COP1: variants seen among roughly 807,000 people sequenced by gnomAD.
The protein encoded by COP1 is E3 ubiquitin-protein ligase COP1.
A neutral mutation model predicts 101.3 loss-of-function variants in COP1; 24 were observed. That is an observed-to-expected ratio of 0.24 (90% CI 0.17 to 0.33). COP1 has a LOEUF of 0.33. COP1 is among the 10% of genes least tolerant of loss of function. The probability of loss-of-function intolerance (pLI) is 1.00; values close to 1 mark genes in which losing one functional copy is unlikely to be tolerated. For synonymous variants in COP1, 347 were observed against 341.9 expected, an observed-to-expected ratio of 1.01 and a Z score of -0.17; for missense variants, 663 against 906.2, an observed-to-expected ratio of 0.73 and a Z score of 3.45.
At chr1:176,028,696 C>CATAT (rs369887649) in intron 14 of COP1, among the ~76,000 whole-genome samples, 2,978 of 47,824 alleles carry the variant, frequency 0.062, 253 homozygotes, top group African/African-American at 0.1. Flanking sequence ...ATATTTGTTT[C>CATAT]ATATATATAT....
At chr1:176,066,136 A>C (rs2149324238) in intron 11 of COP1, among the ~76,000 whole-genome samples, 1 of 152,168 alleles carries the variant, frequency 6.6e-6, no homozygotes, top group South Asian at 2.1e-4. Flanking sequence ...ATATGTGTTG[A>C]CCCTAGAAGC....
At chr1:176,134,884 C>A (rs1357337772) in intron 8 of COP1, 126 bp downstream of exon 8, 2 of 615,472 alleles carry the variant, frequency 3.2e-6, no homozygotes, top group African/African-American at 3.7e-5. Context: ...AATATCATTT[C>A]TAGATCATGA....
intron 3 of COP1, among the ~76,000 whole-genome samples, chr1:176,171,452 A>G (rs1257560057): frequency 6.6e-6 from 1 of 152,214 alleles, no homozygotes. Context: ...GTATATATCC[A>G]GACTACTAAA....
intron 8 of COP1, chr1:176,133,822 CT>C (rs746249530): frequency 4.4e-6 from 2 of 449,916 alleles, no homozygotes; most frequent in South Asian, 1.6e-5. Flanking sequence ...GATGTGACAA[CT>C]TTTTCTTCCC....
intron 18 of COP1, among the ~76,000 whole-genome samples, chr1:175,983,219 T>C (rs1302135687): frequency 6.6e-6 from 1 of 152,184 alleles, no homozygotes; most frequent in African/African-American, 2.4e-5. Flanking sequence ...TGATATGGTT[T>C]GGGTGTGTCC....
chr1:176,160,187 G>A (rs926546207), intron 5 of COP1: 1 of 312,042 alleles, frequency 3.2e-6, no homozygotes, highest in Non-Finnish European at 6.3e-6. Flanking sequence ...GAGAAGGTAG[G>A]AAGAAGGTTA....
At chr1:176,113,643 A>T (rs1685668611) in intron 9 of COP1, among the ~76,000 whole-genome samples, 1 of 152,142 alleles carries the variant, frequency 6.6e-6, no homozygotes, top group East Asian at 1.9e-4. Context: ...CCAATTAAAA[A>T]AACACCTGTA....
intron 5 of COP1, among the ~76,000 whole-genome samples, chr1:176,154,701 G>A (rs564870563): frequency 6.6e-6 from 1 of 152,020 alleles, no homozygotes; most frequent in East Asian, 1.9e-4. Flanking sequence ...TTAATAGCTG[G>A]GTGACAAAAT....
At chr1:175,990,921 T>G (rs1391695155) in intron 15 of COP1, among the ~76,000 whole-genome samples, 3 of 150,956 alleles carry the variant, frequency 2.0e-5, no homozygotes, top group Admixed American at 6.6e-5. Flanking sequence ...TTTTTTTTTG[T>G]AAACCCATTC....
At chr1:176,063,047 GT>G (rs34464104) in intron 11 of COP1, among the ~76,000 whole-genome samples, 8 of 90,588 alleles carry the variant, frequency 8.8e-5, no homozygotes, top group African/African-American at 2.6e-4. Flanking sequence ...TTTTGAAAAT[GT>G]TTTTTTTTTT....
At chr1:176,138,552 T>G (rs1411857210) in intron 6 of COP1, among the ~76,000 whole-genome samples, 1 of 152,156 alleles carries the variant, frequency 6.6e-6, no homozygotes, top group African/African-American at 2.4e-5. Context: ...CCTGAAACTC[T>G]TTCAAATAAC....
intron 18 of COP1, among the ~76,000 whole-genome samples, chr1:175,966,203 TGTTA>T (rs1244794264): frequency 6.6e-5 from 10 of 152,212 alleles, no homozygotes; most frequent in East Asian, 3.9e-4. Context: ...TAAACTAAAA[TGTTA>T]GTTAGCCTTC....
chr1:176,170,649 G>A (rs80179612), intron 3 of COP1, among the ~76,000 whole-genome samples: 18 of 152,270 alleles, frequency 1.2e-4, no homozygotes, highest in African/African-American at 3.8e-4. Flanking sequence ...GCACAGACAC[G>A]GTAGATTTAG....
intron 18 of COP1, among the ~76,000 whole-genome samples, chr1:175,967,842 T>C (rs1312034546): frequency 6.6e-6 from 1 of 152,104 alleles, no homozygotes; most frequent in East Asian, 1.9e-4. Flanking sequence ...GTTAAGCCAA[T>C]GTGGCCCCTT....
At chr1:176,078,076 G>A (rs1678391163) in intron 11 of COP1, among the ~76,000 whole-genome samples, 1 of 152,032 alleles carries the variant, frequency 6.6e-6, no homozygotes, top group South Asian at 2.1e-4. Flanking sequence ...ATTGTTCAAA[G>A]CAATTTACAG....
At chr1:175,998,877 G>C (rs35846379) in intron 15 of COP1, among the ~76,000 whole-genome samples, 1 of 151,876 alleles carries the variant, frequency 6.6e-6, no homozygotes, top group African/African-American at 2.4e-5. Context: ...AGCAATAATG[G>C]AATGGAACTT....
intron 2 of COP1, among the ~76,000 whole-genome samples, chr1:176,181,701 C>A (rs1392627968): frequency 1.3e-5 from 2 of 151,890 alleles, no homozygotes; most frequent in Non-Finnish European, 2.9e-5. Flanking sequence ...ATTAGCCGGG[C>A]GTGGTGGCAC....
intron 14 of COP1, among the ~76,000 whole-genome samples, chr1:176,028,193 C>A (rs536714690): frequency 7.2e-5 from 11 of 152,002 alleles, no homozygotes; most frequent in African/African-American, 2.2e-4. Flanking sequence ...GGGGACACAG[C>A]CAAACCATAT....
At chr1:176,181,488 T>C (rs945493552) in intron 2 of COP1, among the ~76,000 whole-genome samples, 12 of 151,802 alleles carry the variant, frequency 7.9e-5, no homozygotes, top group South Asian at 2.1e-4. Context: ...CCAGTTTTAA[T>C]AGTTCCTGCC....
Sources: gnomAD v4.1 joint callset for allele counts (sites outside exome capture counted in the v4.1 genomes callset) on GRCh38, gnomAD v4.1.1 for gene constraint, MANE v1.5 for transcripts, NCBI Gene and HGNC (gene_info 2026-07-23, HGNC 2026-07-21) for gene names.